FPR2: variants seen among roughly 807,000 people sequenced by gnomAD.
FPR2 encodes formyl peptide receptor 2, also known as N-formyl peptide receptor 2.
A neutral mutation model predicts 4.0 loss-of-function variants in FPR2; 3 were observed. The ratio of observed to expected loss-of-function variants is 0.74; its 90% CI spans 0.34 to 1.92. The LOEUF (loss-of-function observed/expected upper bound fraction) is 1.92. Ranked by LOEUF, FPR2 falls within the 30% of genes most tolerant of loss-of-function variation. FPR2 has a pLI of 0.07. For missense variants in FPR2, 372 were observed against 435.7 expected, an observed-to-expected ratio of 0.85 and a Z score of 1.30; for synonymous variants, 179 against 171.5, an observed-to-expected ratio of 1.04 and a Z score of -0.34.
At chr19:51,767,189 TC>T (rs1424717246) in intron 1 of FPR2, among the ~76,000 whole-genome samples, 1 of 152,152 alleles carries the variant, frequency 6.6e-6, no homozygotes, top group Non-Finnish European at 1.5e-5. Flanking sequence ...GGTTTTCTGT[TC>T]CTGCATTAGT....
At chr19:51,761,478 C>T (rs1367974411) in intron 1 of FPR2, among the ~76,000 whole-genome samples, 2 of 152,054 alleles carry the variant, frequency 1.3e-5, no homozygotes, top group Non-Finnish European at 1.5e-5. Context: ...TAACGTGTTC[C>T]AATGATTTTT....
intron 1 of FPR2, among the ~76,000 whole-genome samples, chr19:51,767,236 C>T (rs2083873176): frequency 6.6e-6 from 1 of 152,084 alleles, no homozygotes; most frequent in African/African-American, 2.4e-5. Flanking sequence ...TAACAGGCAG[C>T]CTGGATGTTT....
Position 51,769,946 on chromosome 19 carries a change from G to A in FPR2, c.*232G>A. On this transcript the variant is annotated 3_prime_UTR_variant, in exon 2 of 2. Transcript: ENST00000340023. This position sits in a 1 kb window ranked among gnomAD's most constrained non-coding sequence, Gnocchi z 4.4. ...CTGCCTATACCCTGGGGTAAGTGGAGTTGGGAAATACAAGAAGAGAAAGAC... is the reference window on the plus strand; with the variant it reads ...CTGCCTATACCCTGGGGTAAGTGGAATTGGGAAATACAAGAAGAGAAAGAC... 1 of 517,192 alleles carries A rather than the reference G, an allele frequency of 1.9e-6. No individual in the cohort carries two copies. The highest frequency in any genetic ancestry group is 3.6e-6 in the Non-Finnish European group (1 of 280,778). 32.0% of individuals were successfully genotyped at this position (517,192 alleles called of 1,614,324 possible). A position where few individuals can be genotyped will look rare whatever the true frequency, so the allele number is the denominator to read the frequency against.
intron 1 of FPR2, among the ~76,000 whole-genome samples, chr19:51,766,229 T>C (rs1378614742): frequency 6.6e-6 from 1 of 152,194 alleles, no homozygotes; most frequent in Non-Finnish European, 1.5e-5. Context: ...CTGAGCCCAG[T>C]ATTCTTTGTA....
rs2083892675 is a variant in FPR2 at position 51,770,059 on chromosome 19, T to A, written c.*345T>A. ...AAGTAAAATGTTTGCTGTAGGTTTT[T>A]TATAGCTATTAAAAAAAATCAGATT... is the stretch of plus-strand genomic sequence containing the variant. On this transcript the variant is annotated 3_prime_UTR_variant, in exon 2 of 2. Coordinates refer to ENST00000340023, the MANE Select transcript of FPR2 (RefSeq NM_001005738.2). The A allele has an allele frequency of 5.0e-6, 1 of 199,582 alleles. No homozygotes were observed. Among genetic ancestry groups the A allele is most frequent in the Non-Finnish European group, 1.1e-5 (1 of 88,350 alleles). 12.4% of individuals were successfully genotyped at this position (199,582 alleles called of 1,614,324 possible). A position where few individuals can be genotyped will look rare whatever the true frequency, so the allele number is the denominator to read the frequency against.
At chr19:51,763,745 T>C (rs951628641) in intron 1 of FPR2, among the ~76,000 whole-genome samples, 7 of 152,144 alleles carry the variant, frequency 4.6e-5, no homozygotes, top group Non-Finnish European at 8.8e-5. Flanking sequence ...ATTTTGTTTT[T>C]GTTTAGTTTT....
Position 51,769,379 on chromosome 19 carries a change from C to A in FPR2, c.721C>A (p.Arg241=), listed in dbSNP as rs772024580. ...KGMIKSSRPL[R]VLTAVVASFF... is the part of the protein sequence containing the mutation. Reference sequence around the variant, plus strand: ...CATGATTAAATCCAGCCGTCCCTTACGGGTCCTCACTGCTGTGGTGGCTTC... The same window carrying A: ...CATGATTAAATCCAGCCGTCCCTTAAGGGTCCTCACTGCTGTGGTGGCTTC... The change falls in exon 2 of 2, where the codon CGG becomes AGG. Residue 241 remains arginine (R), a synonymous_variant. Coordinates refer to ENST00000340023, the MANE Select transcript of FPR2 (RefSeq NM_001005738.2). This position sits in a 1 kb window ranked among gnomAD's most constrained non-coding sequence, Gnocchi z 4.4. 6.2e-7 allele frequency: 1 copy of A among 1,614,246 alleles called. No individual in the cohort carries two copies.
At position 51,770,397 on chromosome 19, in the gene FPR2, G is replaced by C. The variant is rs757996947; in HGVS notation, c.*683G>C. The C allele has an allele frequency of 2.4e-5, 4 of 166,962 alleles. No homozygotes were observed. The highest frequency in any genetic ancestry group is 5.9e-5 in the Non-Finnish European group (4 of 68,116). The allele number at this position is 166,962 out of a possible 1,614,324, so 10.3% of individuals were successfully genotyped here. A position where few individuals can be genotyped will look rare whatever the true frequency, so the allele number is the denominator to read the frequency against. The stretch of plus-strand genomic sequence containing the variant: ...TCACTTTTTCTACTATCCTTGCTAA[G>C]TTTTCATAGAAAATAAGGAACAAAG... On this transcript the variant is annotated 3_prime_UTR_variant, in exon 2 of 2. Transcript: ENST00000340023.
At chr19:51,763,863 G>A (rs1446202241) in intron 1 of FPR2, among the ~76,000 whole-genome samples, 3 of 152,058 alleles carry the variant, frequency 2.0e-5, no homozygotes, top group Non-Finnish European at 2.9e-5. Flanking sequence ...TGTTCAAGAG[G>A]TCTTCCTGCC....
chr19:51,764,646 A>G (rs1476255887), intron 1 of FPR2, among the ~76,000 whole-genome samples: 4 of 152,232 alleles, frequency 2.6e-5, no homozygotes, highest in Admixed American at 2.0e-4. Flanking sequence ...GATAAAATAT[A>G]TAGTGACTGG....
At chr19:51,763,900 A>T (rs908751006) in intron 1 of FPR2, among the ~76,000 whole-genome samples, 5 of 152,116 alleles carry the variant, frequency 3.3e-5, no homozygotes, top group Admixed American at 2.6e-4. Context: ...CTGGGATTGC[A>T]AGCGCGTGCC....
chr19:51,764,052 C>A (rs975008888), intron 1 of FPR2, among the ~76,000 whole-genome samples: 3 of 152,126 alleles, frequency 2.0e-5, no homozygotes, highest in Non-Finnish European at 4.4e-5. Context: ...AGCCACGGCA[C>A]CTGGCCAAGG....
In FPR2 at chr19:51,768,883, G is replaced by A. The variant is rs147854636; in HGVS notation, c.225G>A (p.Thr75=). 3.7e-4 allele frequency: 600 copies of A among 1,614,084 alleles called. 1 individual carries two copies. Among genetic ancestry groups the A allele is most frequent in the Non-Finnish European group, 4.3e-4 (502 of 1,180,026 alleles). Residue 75 remains threonine, a synonymous_variant, in exon 2 of 2, where the codon ACG becomes ACA. Transcript: ENST00000340023. Reference sequence around the variant, plus strand: ...TGGCCCTGGCTGACTTTTCTTTCACGGCCACATTACCATTCCTCATTGTCT... The same window carrying A: ...TGGCCCTGGCTGACTTTTCTTTCACAGCCACATTACCATTCCTCATTGTCT... ...LNLALADFSF[T]ATLPFLIVSM... is the part of the protein sequence containing the mutation.
In FPR2 at chr19:51,769,202, TC is replaced by T; in HGVS notation, c.546del (p.Trp183GlyfsTer9). 1 of 1,614,192 alleles carries T rather than the reference TC, an allele frequency of 6.2e-7. No individual in the cohort carries two copies. The highest frequency in any genetic ancestry group is 8.5e-7 in the Non-Finnish European group (1 of 1,180,028). ...CACATACTGTACTTTCAACTTTGCA[TC>T]CTGGGGTGGCACCCCTGAGGAGAGG... ...GDTYCTFNFA[S>X]WGGTPEERLK... On this transcript the variant is annotated frameshift_variant, in exon 2 of 2. Coordinates refer to ENST00000340023, the MANE Select transcript of FPR2 (RefSeq NM_001005738.2). LOFTEE classifies it low-confidence loss of function (END_TRUNC). This position sits in a 1 kb window ranked among gnomAD's most constrained non-coding sequence, Gnocchi z 4.4.
In FPR2 at chr19:51,769,410, T is replaced by C; in HGVS notation, c.752T>C (p.Phe251Ser). The change falls in exon 2 of 2, where the codon TTC becomes TCC. Residue 251 changes from phenylalanine (F) to serine (S), a missense_variant. Transcript: ENST00000340023. This position sits in a 1 kb window ranked among gnomAD's most constrained non-coding sequence, Gnocchi z 4.4. ...CTCACTGCTGTGGTGGCTTCTTTCT[T>C]CATCTGTTGGTTTCCCTTTCAACTG... is the stretch of plus-strand genomic sequence containing the variant. ...RVLTAVVASF[F>S]ICWFPFQLVA... The C allele has an allele frequency of 6.2e-7, 1 of 1,614,206 alleles. No individual in the cohort carries two copies. The highest frequency in any genetic ancestry group is 1.3e-5 in the African/African-American group (1 of 75,064).
chr19:51,761,880 C>T (rs558776368), intron 1 of FPR2, among the ~76,000 whole-genome samples: 1 of 152,194 alleles, frequency 6.6e-6, no homozygotes, highest in East Asian at 1.9e-4. Context: ...AAGGCAGAAG[C>T]CCCGAGATGA....
intron 1 of FPR2, among the ~76,000 whole-genome samples, chr19:51,763,864 T>C (rs2083853890): frequency 6.6e-6 from 1 of 152,088 alleles, no homozygotes; most frequent in Non-Finnish European, 1.5e-5. Context: ...GTTCAAGAGG[T>C]CTTCCTGCCT....
intron 1 of FPR2, among the ~76,000 whole-genome samples, chr19:51,766,210 C>T (rs761007367): frequency 1.4e-4 from 21 of 152,176 alleles, no homozygotes; most frequent in Non-Finnish European, 2.4e-4. Context: ...CGTGAGCCAC[C>T]GTATCTGGCT....
chr19:51,769,907 T>A lies in FPR2; in HGVS notation c.*193T>A, dbSNP rs2083891878. 1 of 611,608 alleles carries A rather than the reference T, an allele frequency of 1.6e-6. No homozygotes were observed. Among genetic ancestry groups the A allele is most frequent in the Admixed American group, 3.0e-5 (1 of 33,298 alleles). 37.9% of individuals were successfully genotyped at this position (611,608 alleles called of 1,614,324 possible). A position where few individuals can be genotyped will look rare whatever the true frequency, so the allele number is the denominator to read the frequency against. On this transcript the variant is annotated 3_prime_UTR_variant, in exon 2 of 2. Transcript: ENST00000340023. The surrounding 1 kb of genome is among the most constrained non-coding windows in gnomAD (Gnocchi z 4.4). ...GCTACTAAAATATTAGTGTTATTTT[T>A]TGTTTTTTGACTTCTGCCTATACCC...
Sources: allele counts gnomAD v4.1 joint callset (sites outside exome capture counted in the v4.1 genomes callset), GRCh38; gene constraint gnomAD v4.1.1; non-coding constraint Gnocchi (gnomAD v3.1); transcripts MANE v1.5; gene names NCBI Gene and HGNC (gene_info 2026-07-23, HGNC 2026-07-21).